ADGRL3: variants seen among roughly 807,000 people sequenced by gnomAD.
The protein encoded by ADGRL3 is adhesion G protein-coupled receptor L3.
In ADGRL3, 62 loss-of-function variants were observed where a neutral mutation model predicts 153.5. The observed-to-expected ratio is 0.40, with a 90% CI of 0.33 to 0.50. The LOEUF is 0.50. Among genes scored for constraint, ADGRL3 ranks in the 20% least tolerant of loss-of-function variants. The pLI is 0.47. For missense variants in ADGRL3, 1,641 were observed against 1,859.4 expected (o/e 0.88, Z 2.16); for synonymous variants, 710 against 672.5 (o/e 1.06, Z -0.86).
intron 1 of ADGRL3, among the ~76,000 whole-genome samples, chr4:61,346,308 T>TAC (rs10693257): frequency 0.033 from 4,714 of 144,550 alleles, 87 homozygotes; most frequent in East Asian, 0.081. Flanking sequence ...TGTCACAGTC[T>TAC]ACACACACAC....
At chr4:61,530,584 G>A (rs2098606602) in intron 4 of ADGRL3, among the ~76,000 whole-genome samples, 1 of 152,164 alleles carries the variant, frequency 6.6e-6, no homozygotes, top group Admixed American at 6.5e-5. Flanking sequence ...AGTTCTGAGG[G>A]GGTGGGATAA....
In ADGRL3 at chr4:61,747,696, T is replaced by C. The variant is rs1297270578; in HGVS notation, c.1399+14142T>C. Among the ~76,000 whole-genome samples the C allele has an allele frequency of 4.8e-5, 7 of 147,054 alleles. No individual in the cohort carries two copies. The East Asian group carries it at 1.4e-3, about 30-fold the overall frequency. ...AAACTCTCAATAAATTAGGTATTGA[T>C]GGGACGTATCTCAAAATAATAAGAG... On this transcript the variant is annotated intron_variant, in intron 8 of 26. Coordinates refer to ENST00000683033, the MANE Select transcript of ADGRL3 (RefSeq NM_001387552.1).
intron 2 of ADGRL3, among the ~76,000 whole-genome samples, chr4:61,438,771 G>C (rs922255281): frequency 6.7e-6 from 1 of 148,734 alleles, no homozygotes; most frequent in African/African-American, 2.5e-5. Context: ...GCAGTGGTGC[G>C]ATCTCGGCTC....
intron 5 of ADGRL3, among the ~76,000 whole-genome samples, chr4:61,617,258 T>G (rs2092103236): frequency 6.6e-6 from 1 of 152,178 alleles, no homozygotes; most frequent in African/African-American, 2.4e-5. Context: ...GCATTTTCAT[T>G]TAATAAGATT....
intron 8 of ADGRL3, among the ~76,000 whole-genome samples, chr4:61,793,105 G>A (rs1005921040): frequency 6.6e-6 from 1 of 152,058 alleles, no homozygotes; most frequent in Admixed American, 6.6e-5. Flanking sequence ...CAGAGAGCTT[G>A]TGCAGGGGAA....
At chr4:61,611,652 G>A (rs1390844787) in intron 5 of ADGRL3, among the ~76,000 whole-genome samples, 8 of 152,104 alleles carry the variant, frequency 5.3e-5, no homozygotes, top group African/African-American at 1.4e-4. Flanking sequence ...GCCAGGCACG[G>A]CGGCTCGTGC....
At chr4:61,396,525 A>G (rs2096870582) in intron 2 of ADGRL3, among the ~76,000 whole-genome samples, 1 of 151,962 alleles carries the variant, frequency 6.6e-6, no homozygotes, top group African/African-American at 2.4e-5. Flanking sequence ...ATGATTGCCA[A>G]CTTGATTCAG....
chr4:61,470,772 A>G (rs2097940857), intron 2 of ADGRL3, among the ~76,000 whole-genome samples: 1 of 151,944 alleles, frequency 6.6e-6, no homozygotes. Context: ...TTGATAAGGG[A>G]GGATGATAAT....
intron 1 of ADGRL3, among the ~76,000 whole-genome samples, chr4:61,233,161 A>T (rs1209917786): frequency 6.6e-6 from 1 of 152,206 alleles, no homozygotes; most frequent in Non-Finnish European, 1.5e-5. Context: ...AATAATAATA[A>T]CATCATCTAA....
chr4:61,616,933 G>A (rs1156405870), intron 5 of ADGRL3, among the ~76,000 whole-genome samples: 1 of 151,984 alleles, frequency 6.6e-6, no homozygotes, highest in Non-Finnish European at 1.5e-5. Context: ...AGGATTACAG[G>A]CAAGAGCCAC....
At chr4:61,617,157 C>T (rs1260758125) in intron 5 of ADGRL3, among the ~76,000 whole-genome samples, 1 of 152,224 alleles carries the variant, frequency 6.6e-6, no homozygotes, top group South Asian at 2.1e-4. Flanking sequence ...GATTTGGTCA[C>T]GAAATTCAGG....
chr4:61,900,775 CTATA>C (rs2098660198), intron 11 of ADGRL3, among the ~76,000 whole-genome samples: 1 of 152,038 alleles, frequency 6.6e-6, no homozygotes, highest in African/African-American at 2.4e-5. Context: ...AGATACATAT[CTATA>C]TACATATCTA....
intron 13 of ADGRL3, among the ~76,000 whole-genome samples, chr4:61,926,222 G>A (rs1423425542): frequency 6.6e-6 from 1 of 152,114 alleles, no homozygotes; most frequent in Non-Finnish European, 1.5e-5. Context: ...GGTATACATG[G>A]TCCATTATTG....
chr4:61,593,713 C>T (rs1285842588), intron 5 of ADGRL3, among the ~76,000 whole-genome samples: 1 of 152,152 alleles, frequency 6.6e-6, no homozygotes, highest in East Asian at 1.9e-4. Flanking sequence ...GGTTTTTTCC[C>T]TCTGGCTGCT....
chr4:61,449,493 G>A (rs1354737937), intron 2 of ADGRL3, among the ~76,000 whole-genome samples: 1 of 151,880 alleles, frequency 6.6e-6, no homozygotes, highest in Admixed American at 6.6e-5. Flanking sequence ...ATAAATGCAA[G>A]ACTGTACCTA....
At chr4:61,548,874 A>C (rs1429530809) in intron 4 of ADGRL3, among the ~76,000 whole-genome samples, 1 of 151,738 alleles carries the variant, frequency 6.6e-6, no homozygotes, top group Non-Finnish European at 1.5e-5. Context: ...TTGTGTGATG[A>C]ATGTTGTAGG....
chr4:61,821,801 T>C (rs1376135602), intron 9 of ADGRL3, among the ~76,000 whole-genome samples: 2 of 152,190 alleles, frequency 1.3e-5, no homozygotes, highest in Admixed American at 6.5e-5. Context: ...CATGTGCAAA[T>C]TGAATTATAT....
intron 2 of ADGRL3, among the ~76,000 whole-genome samples, chr4:61,474,927 G>C (rs1011335432): frequency 6.6e-6 from 1 of 151,988 alleles, no homozygotes; most frequent in Non-Finnish European, 1.5e-5. Flanking sequence ...TACTGTCCCA[G>C]GCTTATTAAA....
At chr4:61,973,831 A>G (rs950992483) in intron 17 of ADGRL3, among the ~76,000 whole-genome samples, 1 of 152,210 alleles carries the variant, frequency 6.6e-6, no homozygotes, top group Non-Finnish European at 1.5e-5. Context: ...AAGGAAAAGT[A>G]TACAAATGAA....
Sources: gnomAD v4.1 joint callset for allele counts (sites outside exome capture counted in the v4.1 genomes callset) on GRCh38, gnomAD v4.1.1 for gene constraint, MANE v1.5 for transcripts, NCBI Gene and HGNC (gene_info 2026-07-23, HGNC 2026-07-21) for gene names.